The following AKAP13 variants were observed in gnomAD, a reference collection of about 807,000 sequenced individuals.
The protein encoded by AKAP13 is A-kinase anchor protein 13.
AKAP13 carries 80 observed loss-of-function variants against 264.5 expected under a neutral mutation model. The ratio of observed to expected loss-of-function variants is 0.30; its 90% CI spans 0.25 to 0.36. The LOEUF is 0.36. AKAP13 is among the 10% of genes least tolerant of loss of function. The pLI, the probability that AKAP13 is intolerant of heterozygous loss-of-function variation, is 1.00. For synonymous variants in AKAP13, 1,380 were observed against 1,250.2 expected, an observed-to-expected ratio of 1.10 and a Z score of -2.19; for missense variants, 3,712 against 3,435.2, an observed-to-expected ratio of 1.08 and a Z score of -2.01.
At chr15:85,450,053 T>A (rs1715514962) in intron 1 of AKAP13, among the ~76,000 whole-genome samples, 1 of 152,072 alleles carries the variant, frequency 6.6e-6, no homozygotes. Flanking sequence ...GTCCTAGGCC[T>A]TTTTTGGTTG....
chr15:85,432,888 A>G (rs541151278), intron 1 of AKAP13, among the ~76,000 whole-genome samples: 7 of 151,648 alleles, frequency 4.6e-5, no homozygotes, highest in African/African-American at 1.2e-4. Flanking sequence ...ATTGTCTGCT[A>G]TCTCCTTTCT....
chr15:85,529,486 A>G (rs1479803438), intron 3 of AKAP13, among the ~76,000 whole-genome samples: 1 of 152,204 alleles, frequency 6.6e-6, no homozygotes, highest in East Asian at 1.9e-4. Flanking sequence ...ATGACTAATG[A>G]CCCTGTTGCA....
intron 1 of AKAP13, among the ~76,000 whole-genome samples, chr15:85,451,898 T>G (rs2074105609): frequency 6.6e-6 from 1 of 152,242 alleles, no homozygotes; most frequent in African/African-American, 2.4e-5. Flanking sequence ...TTTTCTGGAT[T>G]TGACTGTTGG....
chr15:85,559,959 G>A (rs1353370921), intron 5 of AKAP13, among the ~76,000 whole-genome samples: 1 of 152,024 alleles, frequency 6.6e-6, no homozygotes, highest in East Asian at 1.9e-4. Flanking sequence ...TAGTGAGTGA[G>A]TAAAGATTAT....
intron 13 of AKAP13, among the ~76,000 whole-genome samples, chr15:85,665,907 A>C (rs1372573092): frequency 1.3e-5 from 2 of 152,100 alleles, no homozygotes; most frequent in African/African-American, 4.8e-5. Context: ...TATGTGCCAC[A>C]TTTTCTTAAT....
At chr15:85,612,030 G>A (rs1182110154) in intron 8 of AKAP13, among the ~76,000 whole-genome samples, 2 of 152,284 alleles carry the variant, frequency 1.3e-5, no homozygotes, top group East Asian at 1.9e-4. Context: ...GATGCCAAGC[G>A]TACATGTTTA....
chr15:85,680,974 C>T (rs562304277), intron 14 of AKAP13, among the ~76,000 whole-genome samples: 3 of 152,254 alleles, frequency 2.0e-5, no homozygotes, highest in African/African-American at 4.8e-5. Context: ...TGCGCCACCA[C>T]GCCTGGCCAA....
Position 85,727,189 on chromosome 15 carries a change from A to T in AKAP13, c.6946A>T (p.Ser2316Cys), listed in dbSNP as rs1567216531. ...TCCAGAGATGGTAGAAGTCCATGCC[A>T]GCTCCAAAGAGGAACGAAACAGCTG... Reference protein sequence around the residue: ...TDPEMVEVHASSKEERNSWIQ... With the variant: ...TDPEMVEVHACSKEERNSWIQ... Residue 2316 changes from serine (S) to cysteine (C), a missense_variant, in exon 28 of 37, where the codon AGC becomes TGC. This residue lies in a region of AKAP13 where 342 missense variants were observed against 484.3 expected (regional missense o/e 0.71). Coordinates refer to ENST00000394518, the MANE Select transcript of AKAP13 (RefSeq NM_007200.5). This position sits in a 1 kb window ranked among gnomAD's most constrained non-coding sequence, Gnocchi z 5.3. 1 of 1,614,216 alleles carries T rather than the reference A, an allele frequency of 6.2e-7. No homozygotes were observed. Among genetic ancestry groups the T allele is most frequent in the Admixed American group, 1.7e-5 (1 of 60,028 alleles).
chr15:85,437,471 G>A (rs1418414291), intron 1 of AKAP13, among the ~76,000 whole-genome samples: 3 of 151,372 alleles, frequency 2.0e-5, no homozygotes, highest in Non-Finnish European at 4.4e-5. Context: ...CTCATTTTAT[G>A]AGGCCAGCAT....
chr15:85,703,842 CAAA>C (rs58183279), intron 17 of AKAP13, among the ~76,000 whole-genome samples: 18,086 of 138,002 alleles, frequency 0.13, 1,403 homozygotes, highest in East Asian at 0.22. Flanking sequence ...GACTCCATCT[CAAA>C]AAAAAAAAAT....
chr15:85,741,513 C>G lies in AKAP13; in HGVS notation c.8058+18C>G, dbSNP rs115246505. 1.0e-4 allele frequency: 161 copies of G among 1,556,778 alleles called. No individual in the cohort carries two copies. In the African/African-American group the frequency reaches 2.0e-3, roughly 19 times the overall value. ...TGTGTCAGGTAATGGGACTCCCTGC[C>G]GAGAGCAACCTAATGATGATATTAA... On this transcript the variant is annotated intron_variant, in intron 35 of 36. Coordinates refer to ENST00000394518, the MANE Select transcript of AKAP13 (RefSeq NM_007200.5).
chr15:85,550,076 C>G (rs1167300150), intron 5 of AKAP13, among the ~76,000 whole-genome samples: 2 of 152,094 alleles, frequency 1.3e-5, no homozygotes, highest in Non-Finnish European at 2.9e-5. Context: ...GCCACCACGC[C>G]CGGCTTATTT....
chr15:85,441,569 G>A (rs2073654887), intron 1 of AKAP13, among the ~76,000 whole-genome samples: 1 of 151,930 alleles, frequency 6.6e-6, no homozygotes, highest in Admixed American at 6.6e-5. Flanking sequence ...ATATCTAAGG[G>A]ATCTTTGCCT....
intron 2 of AKAP13, among the ~76,000 whole-genome samples, chr15:85,503,397 G>A (rs1003139549): frequency 9.9e-5 from 15 of 152,138 alleles, no homozygotes; most frequent in African/African-American, 3.6e-4. Flanking sequence ...TGGTACTATA[G>A]CCCCCAAAGC....
chr15:85,698,465 C>CAAAAAA (rs35509705), intron 17 of AKAP13, among the ~76,000 whole-genome samples: 3 of 103,972 alleles, frequency 2.9e-5, no homozygotes, highest in African/African-American at 1.2e-4. Context: ...ACTCTGTCTC[C>CAAAAAA]AAAAAAAAAA....
chr15:85,457,975 A>C (rs2074340122), intron 1 of AKAP13, among the ~76,000 whole-genome samples: 1 of 151,978 alleles, frequency 6.6e-6, no homozygotes, highest in Non-Finnish European at 1.5e-5. Context: ...CCCCGTCTCT[A>C]CTAAAAATAC....
intron 8 of AKAP13, among the ~76,000 whole-genome samples, chr15:85,616,694 A>G (rs1405494626): frequency 6.6e-6 from 1 of 152,248 alleles, no homozygotes; most frequent in Non-Finnish European, 1.5e-5. Flanking sequence ...TAGATATGAA[A>G]TGATTGGTTG....
intron 17 of AKAP13, among the ~76,000 whole-genome samples, chr15:85,696,195 A>T (rs1434874561): frequency 6.6e-6 from 1 of 152,236 alleles, no homozygotes; most frequent in Non-Finnish European, 1.5e-5. Context: ...TCTTTGAAGG[A>T]ATTTGTGTAA....
chr15:85,451,544 G>A (rs2074089533), intron 1 of AKAP13, among the ~76,000 whole-genome samples: 1 of 152,204 alleles, frequency 6.6e-6, no homozygotes, highest in South Asian at 2.1e-4. Context: ...CTCCTTTCAA[G>A]ATATCTTTTA....
Sources: allele counts gnomAD v4.1 joint callset (sites outside exome capture counted in the v4.1 genomes callset), GRCh38; gene constraint gnomAD v4.1.1; regional missense constraint gnomAD v4.1.1; non-coding constraint Gnocchi (gnomAD v3.1); transcripts MANE v1.5; gene names NCBI Gene and HGNC (gene_info 2026-07-23, HGNC 2026-07-21).